Variants in MCPH1 observed in about 807,000 individuals in gnomAD.
The protein encoded by MCPH1 is microcephalin.
In MCPH1, 104 loss-of-function variants were observed where a neutral mutation model predicts 84.5. That is an observed-to-expected ratio of 1.23 (90% CI 1.05 to 1.45). MCPH1 has a LOEUF of 1.45. Ranked by LOEUF, MCPH1 falls within the 40% of genes most tolerant of loss-of-function variation. The probability of loss-of-function intolerance (pLI) is 0.00; values close to 1 mark genes in which losing one functional copy is unlikely to be tolerated. For missense variants in MCPH1, 1,498 were observed against 1,005.7 expected, an observed-to-expected ratio of 1.49 and a Z score of -6.62; for synonymous variants, 514 against 366.8, an observed-to-expected ratio of 1.40 and a Z score of -4.58.
Position 6,574,966 on chromosome 8 carries a change from A to G in MCPH1, c.2215-46488A>G, listed in dbSNP as rs186280966. On this transcript the variant is annotated intron_variant, in intron 12 of 13. Coordinates refer to ENST00000344683, the MANE Select transcript of MCPH1 (RefSeq NM_024596.5). Reference sequence around the variant, plus strand: ...AACAGGATAAATAAAATGATGAGATAAAGCAGTAAGAGGGAAGTCAAGAAT... The same window carrying G: ...AACAGGATAAATAAAATGATGAGATGAAGCAGTAAGAGGGAAGTCAAGAAT... 2.0e-5 allele frequency among the ~76,000 whole-genome samples: 3 copies of G among 152,332 alleles called. No individual in the cohort carries two copies. The East Asian group carries it at 5.8e-4, about 29-fold the overall frequency.
intron 12 of MCPH1, among the ~76,000 whole-genome samples, chr8:6,542,092 A>G (rs1821694934): frequency 6.6e-6 from 1 of 152,140 alleles, no homozygotes; most frequent in Non-Finnish European, 1.5e-5. Flanking sequence ...AGATTGATGC[A>G]TTTAGGCTAC....
intron 12 of MCPH1, among the ~76,000 whole-genome samples, chr8:6,597,630 G>A (rs557044901): frequency 8.5e-5 from 13 of 152,132 alleles, no homozygotes; most frequent in Admixed American, 3.9e-4. Context: ...CCCGGAACAC[G>A]GAGGGAGGGC....
At chr8:6,475,237 C>T (rs538773030) in intron 9 of MCPH1, among the ~76,000 whole-genome samples, 1 of 152,322 alleles carries the variant, frequency 6.6e-6, no homozygotes, top group African/African-American at 2.4e-5. Flanking sequence ...AATGACCCTG[C>T]CCTAACAGCA....
chr8:6,637,578 T>G (rs1797647507), intron 13 of MCPH1, among the ~76,000 whole-genome samples: 1 of 152,142 alleles, frequency 6.6e-6, no homozygotes, highest in African/African-American at 2.4e-5. Flanking sequence ...TTGGGTTCTG[T>G]TCTAAGGATA....
intron 11 of MCPH1, among the ~76,000 whole-genome samples, chr8:6,485,838 A>G (rs1255938568): frequency 6.6e-6 from 1 of 152,196 alleles, no homozygotes; most frequent in Non-Finnish European, 1.5e-5. Flanking sequence ...TGTGATTACA[A>G]GGTAAACGCA....
chr8:6,489,850 A>T (rs1458482532), intron 11 of MCPH1, among the ~76,000 whole-genome samples: 2 of 152,226 alleles, frequency 1.3e-5, no homozygotes, highest in African/African-American at 4.8e-5. Context: ...GGGAAAAAAA[A>T]TTTAAAAAGT....
At chr8:6,437,509 G>A (rs547564519) in intron 5 of MCPH1, among the ~76,000 whole-genome samples, 3 of 152,310 alleles carry the variant, frequency 2.0e-5, no homozygotes, top group Admixed American at 6.5e-5. Flanking sequence ...GATTACAGGC[G>A]TGAGCCACCG....
intron 12 of MCPH1, among the ~76,000 whole-genome samples, chr8:6,575,539 A>G (rs923455189): frequency 6.6e-5 from 10 of 152,260 alleles, no homozygotes; most frequent in African/African-American, 2.4e-4. Flanking sequence ...CTTACAAGAT[A>G]TAATTAGTAG....
chr8:6,573,611 C>T (rs1326458569), intron 12 of MCPH1, among the ~76,000 whole-genome samples: 1 of 151,652 alleles, frequency 6.6e-6, no homozygotes, highest in Non-Finnish European at 1.5e-5. Flanking sequence ...CCAAACCTGG[C>T]CAACTTAAGC....
At chr8:6,412,311 C>G (rs577947507) in intron 2 of MCPH1, among the ~76,000 whole-genome samples, 1 of 152,134 alleles carries the variant, frequency 6.6e-6, no homozygotes, top group Admixed American at 6.6e-5. Context: ...AGAAAAAAGC[C>G]GTTAGACAAG....
intron 12 of MCPH1, chr8:6,521,532 A>G (rs1178210132): frequency 9.7e-6 from 7 of 724,708 alleles, no homozygotes; most frequent in Non-Finnish European, 1.5e-5. Flanking sequence ...AAGTAATATG[A>G]TGTTACCAGA....
chr8:6,522,962 A>G (rs1393373591), intron 12 of MCPH1, among the ~76,000 whole-genome samples: 1 of 151,978 alleles, frequency 6.6e-6, no homozygotes, highest in Non-Finnish European at 1.5e-5. Flanking sequence ...TACTTAATAC[A>G]TAACAGTTAA....
At chr8:6,485,310 G>A (rs1326012861) in intron 11 of MCPH1, among the ~76,000 whole-genome samples, 1 of 151,900 alleles carries the variant, frequency 6.6e-6, no homozygotes, top group Admixed American at 6.6e-5. Context: ...GGGTGACAGA[G>A]TGAGACTCTG....
intron 12 of MCPH1, chr8:6,519,997 T>C: frequency 6.2e-7 from 1 of 1,612,506 alleles, no homozygotes; most frequent in Non-Finnish European, 8.5e-7. Flanking sequence ...CTTAGCTGCT[T>C]TTAAAAAATA....
chr8:6,561,226 C>T (rs920589326), intron 12 of MCPH1, among the ~76,000 whole-genome samples: 3 of 152,180 alleles, frequency 2.0e-5, no homozygotes, highest in Admixed American at 2.0e-4. Flanking sequence ...GGGAAACTTA[C>T]TGGAGCGCTT....
At chr8:6,591,907 C>T (rs535656085) in intron 12 of MCPH1, among the ~76,000 whole-genome samples, 1 of 152,222 alleles carries the variant, frequency 6.6e-6, no homozygotes, top group East Asian at 1.9e-4. Flanking sequence ...TGTAAAATTC[C>T]TTACTGTATG....
In MCPH1 at chr8:6,548,100, A is replaced by C. The variant is rs186753604; in HGVS notation, c.2214+48171A>C. ...AATCCCCCCTAGCGGAAGAACCTAC[A>C]TTGGAGTTTTGGCTGCTCTTTGGGA... On this transcript the variant is annotated intron_variant, in intron 12 of 13. Coordinates refer to ENST00000344683, the MANE Select transcript of MCPH1 (RefSeq NM_024596.5). Among the ~76,000 whole-genome samples the C allele has an allele frequency of 1.3e-4, 20 of 152,248 alleles. No individual in the cohort carries two copies. In the East Asian group the frequency reaches 3.3e-3, roughly 25 times the overall value.
At chr8:6,412,977 T>C (rs1798753664) in intron 2 of MCPH1, among the ~76,000 whole-genome samples, 2 of 152,238 alleles carry the variant, frequency 1.3e-5, no homozygotes, top group African/African-American at 2.4e-5. Context: ...TTTCAAATCA[T>C]CTGTTTCTTT....
intron 1 of MCPH1, chr8:6,407,028 T>G: frequency 6.6e-6 from 2 of 301,882 alleles, no homozygotes; most frequent in Non-Finnish European, 6.0e-6. Context: ...AATCCCCCGC[T>G]GCCTGCTCCC....
Sources: gnomAD v4.1 joint callset for allele counts (sites outside exome capture counted in the v4.1 genomes callset) on GRCh38, gnomAD v4.1.1 for gene constraint, MANE v1.5 for transcripts, NCBI Gene and HGNC (gene_info 2026-07-23, HGNC 2026-07-21) for gene names.